YTHDC1: variants seen among roughly 807,000 people sequenced by gnomAD.
YTHDC1 encodes the protein YTH N6-methyladenosine RNA binding protein C1, also known as YTH domain-containing protein 1.
Under a neutral mutation model 107.0 loss-of-function variants are expected in YTHDC1, and 12 were observed. The ratio of observed to expected loss-of-function variants is 0.11; its 90% CI spans 0.07 to 0.18. YTHDC1 has a LOEUF of 0.18. Ranked by LOEUF, YTHDC1 falls within the 10% of genes least tolerant of loss-of-function variation. The pLI is 1.00. For synonymous variants in YTHDC1, 280 were observed against 289.5 expected, an observed-to-expected ratio of 0.97 and a Z score of 0.33; for missense variants, 635 against 898.8, an observed-to-expected ratio of 0.71 and a Z score of 3.75.
intron 9 of YTHDC1, among the ~76,000 whole-genome samples, chr4:68,329,411 A>G (rs1166664246): frequency 6.6e-6 from 1 of 152,184 alleles, no homozygotes; most frequent in Non-Finnish European, 1.5e-5. Flanking sequence ...CTCCTTTCAG[A>G]CACTTTTTAA....
chr4:68,326,829 G>A (rs1723041393), intron 9 of YTHDC1, among the ~76,000 whole-genome samples: 1 of 151,714 alleles, frequency 6.6e-6, no homozygotes, highest in African/African-American at 2.4e-5. Context: ...GGCCTCAAGT[G>A]ATGCACCCAC....
chr4:68,339,426 C>A (rs965592767), intron 1 of YTHDC1, among the ~76,000 whole-genome samples: 27 of 152,144 alleles, frequency 1.8e-4, no homozygotes, highest in Non-Finnish European at 3.8e-4. Flanking sequence ...ATTGGAAAAA[C>A]TGGTGAAATC....
At position 68,322,523 on chromosome 4, in the gene YTHDC1, A is replaced by G. The variant is rs1410569103; in HGVS notation, c.1601+226T>C. 2 of 530,272 alleles carry G rather than the reference A, an allele frequency of 3.8e-6. No individual in the cohort carries two copies. Among genetic ancestry groups the G allele is most frequent in the Admixed American group, 3.2e-5 (1 of 31,018 alleles). 32.8% of individuals were successfully genotyped at this position (530,272 alleles called of 1,614,324 possible). On this transcript the variant is annotated intron_variant, in intron 11 of 16. Coordinates refer to ENST00000344157, the MANE Select transcript of YTHDC1 (RefSeq NM_001031732.4). The surrounding 1 kb of genome is among the most constrained non-coding windows in gnomAD (Gnocchi z 4.8). ...TAATCTAAACTGGTTATCACTGGTT[A>G]TACTTTTTTCTGCATAAGGAAAGAT...
chr4:68,320,705 CTGCTT>C (rs1235202869), intron 11 of YTHDC1, among the ~76,000 whole-genome samples: 2 of 152,200 alleles, frequency 1.3e-5, no homozygotes, highest in South Asian at 2.1e-4. Context: ...TATTTTTCCT[CTGCTT>C]TGCACAAATT....
chr4:68,335,728 TTTA>T (rs1029074993), intron 4 of YTHDC1, among the ~76,000 whole-genome samples: 2 of 152,024 alleles, frequency 1.3e-5, no homozygotes, highest in African/African-American at 4.8e-5. Flanking sequence ...TAATGAAATA[TTTA>T]TTATCTTAAA....
chr4:68,343,500 C>A (rs1439345498), intron 1 of YTHDC1, among the ~76,000 whole-genome samples: 1 of 146,384 alleles, frequency 6.8e-6, no homozygotes, highest in Non-Finnish European at 1.5e-5. Context: ...CCGTGCCCGG[C>A]CTTAAAAAAT....
intron 5 of YTHDC1, 126 bp from the exon 6 acceptor site, chr4:68,332,973 C>CA (rs983738490): frequency 9.9e-5 from 76 of 768,076 alleles, no homozygotes; most frequent in East Asian, 4.6e-4. Flanking sequence ...CCCACACACA[C>CA]AAAAAAAACT....
At chr4:68,321,503 A>C (rs937730110) in intron 11 of YTHDC1, among the ~76,000 whole-genome samples, 2 of 152,168 alleles carry the variant, frequency 1.3e-5, no homozygotes, top group South Asian at 4.1e-4. Flanking sequence ...CAGGCTTGAG[A>C]GAAGGTGTAG....
rs1560482419 is a variant in YTHDC1, at chr4:68,326,578, G to C, written c.1350-2355C>G. ...CTGCAAATAGGGCAAATTTAACAAA[G>C]AATGTAAAACTGTGCACAGTTTTTT... On this transcript the variant is annotated intron_variant, in intron 9 of 16. Coordinates refer to ENST00000344157, the MANE Select transcript of YTHDC1 (RefSeq NM_001031732.4). 3.3e-5 allele frequency among the ~76,000 whole-genome samples: 5 copies of C among 152,092 alleles called. No individual in the cohort carries two copies. The South Asian group carries it at 1.0e-3, about 32-fold the overall frequency.
chr4:68,319,276 T>C (rs182959506), intron 12 of YTHDC1, among the ~76,000 whole-genome samples: 4 of 152,260 alleles, frequency 2.6e-5, no homozygotes, highest in African/African-American at 9.6e-5. Context: ...ATAAGCTTTT[T>C]AAAATGTAAA....
At chr4:68,347,131 A>C (rs1272549646) in intron 1 of YTHDC1, among the ~76,000 whole-genome samples, 2 of 152,190 alleles carry the variant, frequency 1.3e-5, no homozygotes, top group Non-Finnish European at 2.9e-5. Flanking sequence ...AGACAGATGT[A>C]CTCCGGGCAC....
rs1723387742 is a variant in YTHDC1, at chr4:68,329,861, TTTG to T, written c.1349+138_1349+140del. On this transcript the variant is annotated intron_variant, in intron 9 of 16. Transcript: ENST00000344157. ...CATGTAACTTTAGACTAAATACGCC[TTTG>T]TTGTGTCCCACATTAGATAAAGGTA... The T allele has an allele frequency of 9.9e-6, 6 of 607,462 alleles. No individual in the cohort carries two copies. In the East Asian group the frequency reaches 1.3e-4, roughly 13 times the overall value. The allele number at this position is 607,462 out of a possible 1,614,324, so 37.6% of individuals were successfully genotyped here.
chr4:68,329,173 C>T (rs1723311113), intron 9 of YTHDC1, among the ~76,000 whole-genome samples: 1 of 152,002 alleles, frequency 6.6e-6, no homozygotes. Flanking sequence ...TTCTCTTTTC[C>T]TAACCATCTC....
intron 9 of YTHDC1, among the ~76,000 whole-genome samples, chr4:68,324,450 T>C (rs551427674): frequency 6.6e-6 from 1 of 152,318 alleles, no homozygotes. Context: ...CCAAGATAAC[T>C]TGGGGCTTAA....
intron 10 of YTHDC1, among the ~76,000 whole-genome samples, chr4:68,323,660 G>A (rs1278985686): frequency 1.3e-5 from 2 of 152,192 alleles, no homozygotes; most frequent in African/African-American, 4.8e-5. Context: ...AGAATTACAT[G>A]TGAGAATTAC....
Position 68,322,503 on chromosome 4 carries a change from TAAACTGGTTA to T in YTHDC1, c.1601+236_1601+245del. 1 of 480,104 alleles carries T rather than the reference TAAACTGGTTA, an allele frequency of 2.1e-6. No individual in the cohort carries two copies. The highest frequency in any genetic ancestry group is 3.1e-5 in the East Asian group (1 of 31,752). The allele number at this position is 480,104 out of a possible 1,614,324, so 29.7% of individuals were successfully genotyped here. Reference sequence around the variant, plus strand: ...TGTATTATCAGAGTATTATCTAATCTAAACTGGTTATCACTGGTTATACTTTTTTCTGCAT... The same window carrying T: ...TGTATTATCAGAGTATTATCTAATCTTCACTGGTTATACTTTTTTCTGCAT... On this transcript the variant is annotated intron_variant, in intron 11 of 16. Coordinates refer to ENST00000344157, the MANE Select transcript of YTHDC1 (RefSeq NM_001031732.4). This position sits in a 1 kb window ranked among gnomAD's most constrained non-coding sequence, Gnocchi z 4.8.
chr4:68,339,225 A>G (rs1322778965), intron 1 of YTHDC1, among the ~76,000 whole-genome samples: 3 of 152,242 alleles, frequency 2.0e-5, no homozygotes, highest in Non-Finnish European at 4.4e-5. Context: ...CTCTGAGAAT[A>G]GAACAATGCT....
chr4:68,329,462 G>A (rs62316046), intron 9 of YTHDC1, among the ~76,000 whole-genome samples: 2,660 of 152,210 alleles, frequency 0.017, 46 homozygotes, highest in Middle Eastern at 0.031. Flanking sequence ...TGTATGCCAC[G>A]TAAAGATCAC....
chr4:68,328,077 A>G (rs956987457), intron 9 of YTHDC1, among the ~76,000 whole-genome samples: 5 of 152,208 alleles, frequency 3.3e-5, no homozygotes, highest in African/African-American at 9.6e-5. Context: ...AGAATAGTCA[A>G]TAAGTCAATG....
Sources: allele counts gnomAD v4.1 joint callset (sites outside exome capture counted in the v4.1 genomes callset), GRCh38; gene constraint gnomAD v4.1.1; non-coding constraint Gnocchi (gnomAD v3.1); transcripts MANE v1.5; gene names NCBI Gene and HGNC (gene_info 2026-07-23, HGNC 2026-07-21).